CACNB3: variants seen among roughly 807,000 people sequenced by gnomAD.
CACNB3 encodes the protein voltage-dependent L-type calcium channel subunit beta-3.
A neutral mutation model predicts 63.7 loss-of-function variants in CACNB3; 36 were observed. The observed-to-expected ratio is 0.57, with a 90% CI of 0.43 to 0.75. The LOEUF (loss-of-function observed/expected upper bound fraction) is 0.75. Ranked by LOEUF, CACNB3 falls within the 30% of genes least tolerant of loss-of-function variation. The pLI, the probability that CACNB3 is intolerant of heterozygous loss-of-function variation, is 0.00. For synonymous variants in CACNB3, 241 were observed against 250.6 expected, an observed-to-expected ratio of 0.96 and a Z score of 0.36; for missense variants, 493 against 648.6, an observed-to-expected ratio of 0.76 and a Z score of 2.61.
rs1260050279 is a variant in CACNB3 at position 48,818,845 on chromosome 12, C to A, written c.-85C>A. On this transcript the variant is annotated 5_prime_UTR_variant, in exon 1 of 13. Coordinates refer to ENST00000301050, the MANE Select transcript of CACNB3 (RefSeq NM_000725.4). The surrounding 1 kb of genome is among the most constrained non-coding windows in gnomAD (Gnocchi z 4.3). ...AGGGCTGCGGGGCTCGGTGGCATCTCCCGGGCGCGGCCCGCAGTCCTTGCC... is the reference window on the plus strand; with the variant it reads ...AGGGCTGCGGGGCTCGGTGGCATCTACCGGGCGCGGCCCGCAGTCCTTGCC... 1 of 1,441,042 alleles carries A rather than the reference C, an allele frequency of 6.9e-7. No homozygotes were observed. The highest frequency in any genetic ancestry group is 2.9e-5 in the East Asian group (1 of 34,374). 89.3% of individuals were successfully genotyped at this position (1,441,042 alleles called of 1,614,324 possible).
chr12:48,817,129 T>G, upstream of CACNB3: 2 of 449,344 alleles, frequency 4.5e-6, no homozygotes, highest in Non-Finnish European at 5.9e-6. Context: ...ACAAAGTTGT[T>G]TGTCAAACCC....
chr12:48,824,758 T>C (rs746539017), intron 5 of CACNB3, 25 bp downstream of exon 5: 2 of 1,606,586 alleles, frequency 1.2e-6, no homozygotes, highest in South Asian at 1.1e-5. Context: ...ACCCACCCAT[T>C]TTGGGTAGGT....
In CACNB3 at chr12:48,823,794, C is replaced by T. The variant is rs147257060; in HGVS notation, c.282C>T (p.His94=). The T allele has an allele frequency of 9.9e-6, 16 of 1,614,148 alleles. No individual in the cohort carries two copies. In the African/African-American group the frequency reaches 2.0e-4, roughly 20 times the overall value. The change falls in exon 3 of 13, where the codon CAC becomes CAT. Residue 94 remains histidine (H), a synonymous_variant. Coordinates refer to ENST00000301050, the MANE Select transcript of CACNB3 (RefSeq NM_000725.4). This position sits in a 1 kb window ranked among gnomAD's most constrained non-coding sequence, Gnocchi z 4.2. ...GVNFEAKDFL[H]IKEKYSNDWW... ...ACTTTGAGGCCAAAGATTTTCTGCA[C>T]ATTAAAGAGGTGATCGACCCCCCTA...
upstream of CACNB3, chr12:48,815,547 G>A: frequency 1.3e-6 from 2 of 1,499,618 alleles, no homozygotes; most frequent in Non-Finnish European, 1.8e-6. Flanking sequence ...GGAGAGGGAA[G>A]GGAGCAGGCG....
chr12:48,816,066 G>A (rs1942281140), upstream of CACNB3, among the ~76,000 whole-genome samples: 1 of 152,166 alleles, frequency 6.6e-6, no homozygotes, highest in African/African-American at 2.4e-5. Context: ...AGAATGGTAG[G>A]GGCCTCCACC....
Position 48,827,730 on chromosome 12 carries a change from A to G in CACNB3, c.1286A>G (p.Tyr429Cys), listed in dbSNP as rs1175318718. Residue 429 changes from tyrosine (Y) to cysteine (C), a missense_variant, in exon 13 of 13, where the codon TAT (tyrosine) becomes TGT (cysteine). Tyr to Cys is a radical substitution (Grantham distance 194). Coordinates refer to ENST00000301050, the MANE Select transcript of CACNB3 (RefSeq NM_000725.4). ...QRSSRHLEEDYADAYQDLYQP... is the reference protein window; with the variant it reads ...QRSSRHLEEDCADAYQDLYQP... ...AGCTCCCGCCACCTGGAGGAGGACT[A>G]TGCAGATGCCTACCAGGACCTGTAC... is the stretch of plus-strand genomic sequence containing the variant. 15 of 1,614,142 alleles carry G rather than the reference A, an allele frequency of 9.3e-6. No individual in the cohort carries two copies. The South Asian group carries it at 1.4e-4, about 15-fold the overall frequency.
upstream of CACNB3, chr12:48,814,802 G>C: frequency 5.1e-6 from 2 of 394,942 alleles, no homozygotes; most frequent in Non-Finnish European, 8.9e-6. The surrounding 1 kb of genome is among the most constrained non-coding windows in gnomAD (Gnocchi z 6.9). Context: ...CCCCGGGACC[G>C]GACACCAGGC....
chr12:48,819,552 T>C, intron 1 of CACNB3: 1 of 373,038 alleles, frequency 2.7e-6, no homozygotes, highest in Non-Finnish European at 5.4e-6. Context: ...TCACCCTTTC[T>C]CTAGCCCAGT....
rs757128314 is a variant in CACNB3, at chr12:48,823,488, C to G, written c.168+22C>G. 2 of 1,611,224 alleles carry G rather than the reference C, an allele frequency of 1.2e-6. No homozygotes were observed. The highest frequency in any genetic ancestry group is 1.7e-6 in the Non-Finnish European group (2 of 1,178,534). ...CAAGGTATACTTTCTGGGCATGGGG[C>G]AAGACAGGAGGCCAAGCTAGGTGGA... On this transcript the variant is annotated intron_variant, in intron 2 of 12. Coordinates refer to ENST00000301050, the MANE Select transcript of CACNB3 (RefSeq NM_000725.4). The surrounding 1 kb of genome is among the most constrained non-coding windows in gnomAD (Gnocchi z 4.2).
Position 48,827,758 on chromosome 12 carries a change from G to C in CACNB3, c.1314G>C (p.Gln438His). 1 of 1,614,196 alleles carries C rather than the reference G, an allele frequency of 6.2e-7. No individual in the cohort carries two copies. Among genetic ancestry groups the C allele is most frequent in the Non-Finnish European group, 8.5e-7 (1 of 1,180,030 alleles). ...CAGATGCCTACCAGGACCTGTACCAGCCTCACCGCCAACACACCTCGGGGC... is the reference window on the plus strand; with the variant it reads ...CAGATGCCTACCAGGACCTGTACCACCCTCACCGCCAACACACCTCGGGGC... ...DYADAYQDLY[Q>H]PHRQHTSGLP... Residue 438 changes from glutamine to histidine, a missense_variant, in exon 13 of 13, where the codon CAG (glutamine) becomes CAC (histidine). Physicochemically the swap from Gln to His is conservative, Grantham distance 24. Coordinates refer to ENST00000301050, the MANE Select transcript of CACNB3 (RefSeq NM_000725.4).
rs1487304990 is a variant in CACNB3, at chr12:48,825,765, C to T, written c.738C>T (p.Ser246=). ...TIIERSSARS[S]IAEVQSEIER... is the part of the protein sequence containing the mutation. ...TTGAGCGCTCCTCTGCCCGCTCCAG[C>T]ATTGGTGAGAAGTCCCCACCACCTG... The change falls in exon 9 of 13, where the codon AGC becomes AGT. Residue 246 remains serine, a synonymous_variant. Transcript: ENST00000301050. The surrounding 1 kb of genome is among the most constrained non-coding windows in gnomAD (Gnocchi z 4.5). The T allele has an allele frequency of 6.2e-7, 1 of 1,611,932 alleles. No individual in the cohort carries two copies. The highest frequency in any genetic ancestry group is 1.7e-5 in the Admixed American group (1 of 60,016).
chr12:48,824,096 G>A (rs1324706805), intron 3 of CACNB3, 162 bp from the exon 4 acceptor site: 7 of 708,566 alleles, frequency 9.9e-6, no homozygotes, highest in Middle Eastern at 4.0e-4. Context: ...TGGGTGGCCC[G>A]AACTTGGCTG....
upstream of CACNB3, chr12:48,815,655 C>A: frequency 1.6e-6 from 2 of 1,221,468 alleles, no homozygotes; most frequent in Non-Finnish European, 2.1e-6. Context: ...GCCCCTGGCC[C>A]GGGGGAGGGG....
At chr12:48,814,562 G>A (rs1298076766), upstream of CACNB3, 3 of 1,516,558 alleles carry the variant, frequency 2.0e-6, no homozygotes, top group Non-Finnish European at 8.8e-7. This position sits in a 1 kb window ranked among gnomAD's most constrained non-coding sequence, Gnocchi z 6.9. Context: ...AGGTAGGGAC[G>A]GGCTAGGGTC....
At chr12:48,824,894 C>G in intron 5 of CACNB3, 55 bp from the exon 6 acceptor site, 1 of 1,606,250 alleles carries the variant, frequency 6.2e-7, no homozygotes, top group East Asian at 2.2e-5. Flanking sequence ...TACCATGCCC[C>G]CAGGGACCTT....
In CACNB3 at chr12:48,823,271, T is replaced by C; in HGVS notation, c.46-73T>C. 2 of 1,568,808 alleles carry C rather than the reference T, an allele frequency of 1.3e-6. No homozygotes were observed. Among genetic ancestry groups the C allele is most frequent in the South Asian group, 1.2e-5 (1 of 83,838 alleles). ...ACTGGGGGCAATAGAGGCAACACTGTAAGGTGAGGAGGGTGCCTCCATGGC... is the reference window on the plus strand; with the variant it reads ...ACTGGGGGCAATAGAGGCAACACTGCAAGGTGAGGAGGGTGCCTCCATGGC... On this transcript the variant is annotated intron_variant, in intron 1 of 12. Coordinates refer to ENST00000301050, the MANE Select transcript of CACNB3 (RefSeq NM_000725.4). This position sits in a 1 kb window ranked among gnomAD's most constrained non-coding sequence, Gnocchi z 4.2.
chr12:48,828,638 G>A lies in CACNB3; in HGVS notation c.*739G>A. The A allele has an allele frequency of 2.2e-6, 1 of 455,972 alleles. No individual in the cohort carries two copies. Among genetic ancestry groups the A allele is most frequent in the Non-Finnish European group, 4.4e-6 (1 of 226,574 alleles). The allele number at this position is 455,972 out of a possible 1,614,324, so 28.2% of individuals were successfully genotyped here. On this transcript the variant is annotated 3_prime_UTR_variant, in exon 13 of 13. Transcript: ENST00000301050. The stretch of plus-strand genomic sequence containing the variant: ...GGAGCCAACCTGGATGGGGGTTTGG[G>A]GAAGGAGGGCATGTGTAGCAGAGAA...
At chr12:48,815,748 G>T, upstream of CACNB3, 1 of 1,334,694 alleles carries the variant, frequency 7.5e-7, no homozygotes, top group Non-Finnish European at 1.0e-6. Flanking sequence ...GGGGGGGTGT[G>T]GGGTCGTGGG....
At position 48,826,596 on chromosome 12, in the gene CACNB3, C is replaced by T. The variant is rs1400588409; in HGVS notation, c.894+78C>T. 1 of 1,572,168 alleles carries T rather than the reference C, an allele frequency of 6.4e-7. No individual in the cohort carries two copies. The highest frequency in any genetic ancestry group is 8.7e-7 in the Non-Finnish European group (1 of 1,145,040). On this transcript the variant is annotated intron_variant, in intron 10 of 12. Coordinates refer to ENST00000301050, the MANE Select transcript of CACNB3 (RefSeq NM_000725.4). The surrounding 1 kb of genome is among the most constrained non-coding windows in gnomAD (Gnocchi z 4.8). ...TGGCATGATTCTACTTGGTCCCTGC[C>T]TGGGGCACCTGAGTTCCCTTTTCCT...
Sources: allele counts gnomAD v4.1 joint callset (sites outside exome capture counted in the v4.1 genomes callset), GRCh38; gene constraint gnomAD v4.1.1; non-coding constraint Gnocchi (gnomAD v3.1); transcripts MANE v1.5; gene names NCBI Gene and HGNC (gene_info 2026-07-23, HGNC 2026-07-21).